Variants in ZBTB20 observed in about 807,000 individuals in gnomAD.
The protein encoded by ZBTB20 is zinc finger and BTB domain containing 20.
Under a neutral mutation model 56.9 loss-of-function variants are expected in ZBTB20, and 9 were observed. The observed-to-expected ratio is 0.16, with a 90% CI of 0.10 to 0.28. ZBTB20 has a LOEUF of 0.28. ZBTB20 is among the 10% of genes least tolerant of loss of function. ZBTB20 has a pLI of 1.00. For synonymous variants in ZBTB20, 417 were observed against 420.7 expected (o/e 0.99, Z 0.11); for missense variants, 655 against 1,003.0 (o/e 0.65, Z 4.69).
intron 4 of ZBTB20, among the ~76,000 whole-genome samples, chr3:114,833,107 C>G (rs191664532): frequency 3.3e-5 from 5 of 152,188 alleles, no homozygotes; most frequent in Admixed American, 3.3e-4. Flanking sequence ...GTTTTTGATT[C>G]ATTTCTTATA....
chr3:114,418,226 C>A (rs987644376), intron 7 of ZBTB20, among the ~76,000 whole-genome samples: 2 of 152,090 alleles, frequency 1.3e-5, no homozygotes, highest in African/African-American at 4.8e-5. Context: ...TGTTACCAAG[C>A]ATTCCTGATG....
At chr3:114,611,476 C>T (rs2057546824) in intron 6 of ZBTB20, among the ~76,000 whole-genome samples, 1 of 152,196 alleles carries the variant, frequency 6.6e-6, no homozygotes, top group South Asian at 2.1e-4. Context: ...AAAGCTCTCA[C>T]AGGTTGGAGG....
chr3:114,704,904 T>C (rs1387972055), intron 5 of ZBTB20, among the ~76,000 whole-genome samples: 1 of 152,148 alleles, frequency 6.6e-6, no homozygotes, highest in Non-Finnish European at 1.5e-5. Context: ...ATTGCCACTC[T>C]TTCCCATTTT....
chr3:114,742,682 AT>A (rs1044018826), intron 5 of ZBTB20, among the ~76,000 whole-genome samples: 3 of 152,206 alleles, frequency 2.0e-5, no homozygotes, highest in African/African-American at 7.2e-5. Context: ...GATCTGTCTG[AT>A]TTCAAAACCC....
intron 2 of ZBTB20, among the ~76,000 whole-genome samples, chr3:114,991,389 A>T (rs559709692): frequency 6.6e-6 from 1 of 151,920 alleles, no homozygotes; most frequent in African/African-American, 2.4e-5. Context: ...GGAGCAGGTT[A>T]TTCAGTTTCC....
chr3:114,503,756 G>A (rs1259637517), intron 6 of ZBTB20, among the ~76,000 whole-genome samples: 1 of 152,100 alleles, frequency 6.6e-6, no homozygotes, highest in Non-Finnish European at 1.5e-5. Flanking sequence ...GAGGGGTGAA[G>A]TTTAATCTTC....
intron 6 of ZBTB20, among the ~76,000 whole-genome samples, chr3:114,584,073 A>C (rs983048004): frequency 6.6e-6 from 1 of 152,202 alleles, no homozygotes; most frequent in Non-Finnish European, 1.5e-5. Context: ...TACGTATCTA[A>C]TGAGATTAAT....
At chr3:114,548,979 A>C (rs1428053640) in intron 6 of ZBTB20, among the ~76,000 whole-genome samples, 1 of 152,222 alleles carries the variant, frequency 6.6e-6, no homozygotes, top group Non-Finnish European at 1.5e-5. Context: ...TAAAGAGAAA[A>C]GGTACTGAAA....
At chr3:114,765,225 C>A (rs1407294559) in intron 5 of ZBTB20, among the ~76,000 whole-genome samples, 1 of 152,042 alleles carries the variant, frequency 6.6e-6, no homozygotes, top group Non-Finnish European at 1.5e-5. Context: ...ATTGTGCCCT[C>A]CCAAAATTCA....
chr3:115,122,964 G>C (rs1264252289), intron 1 of ZBTB20, among the ~76,000 whole-genome samples: 2 of 152,054 alleles, frequency 1.3e-5, no homozygotes, highest in African/African-American at 4.8e-5. Context: ...TCAGAACCCA[G>C]TAAATTACCT....
At chr3:115,027,002 TAA>T (rs1294652609) in intron 2 of ZBTB20, among the ~76,000 whole-genome samples, 1 of 150,774 alleles carries the variant, frequency 6.6e-6, no homozygotes, top group Non-Finnish European at 1.5e-5. Context: ...TTACCTTTTC[TAA>T]AAAAAGTGTT....
intron 4 of ZBTB20, among the ~76,000 whole-genome samples, chr3:114,852,245 CATTTT>C (rs146723029): frequency 0.015 from 2,215 of 151,626 alleles, 38 homozygotes; most frequent in Non-Finnish European, 0.018. Context: ...TTTGAACTTT[CATTTT>C]ATTTTATTTT....
At chr3:114,878,575 TAAA>T (rs10609736) in intron 4 of ZBTB20, among the ~76,000 whole-genome samples, 104,501 of 137,602 alleles carry the variant, frequency 0.76, 43,006 homozygotes, top group Non-Finnish European at 0.91. Context: ...CTTGGAGAAT[TAAA>T]AAAAAAAAAA....
chr3:114,915,116 T>C (rs1015433254), intron 3 of ZBTB20, among the ~76,000 whole-genome samples: 3 of 151,940 alleles, frequency 2.0e-5, no homozygotes, highest in African/African-American at 7.2e-5. Flanking sequence ...TTCCCTCCTC[T>C]TCTATTTTTC....
intron 11 of ZBTB20, among the ~76,000 whole-genome samples, chr3:114,348,090 A>G (rs1387300561): frequency 6.6e-6 from 1 of 152,224 alleles, no homozygotes; most frequent in Non-Finnish European, 1.5e-5. Context: ...ACTTTTTGGT[A>G]GTACATTGAA....
At chr3:114,663,897 G>A (rs923916110) in intron 6 of ZBTB20, among the ~76,000 whole-genome samples, 3 of 151,244 alleles carry the variant, frequency 2.0e-5, no homozygotes, top group African/African-American at 7.3e-5. Flanking sequence ...AGCAAGTCCT[G>A]AGTGACCTAC....
At chr3:115,001,682 C>T (rs960699439) in intron 2 of ZBTB20, among the ~76,000 whole-genome samples, 9 of 151,050 alleles carry the variant, frequency 6.0e-5, no homozygotes, top group Admixed American at 3.3e-4. Context: ...CATATAAAAT[C>T]TAACAAAATA....
intron 7 of ZBTB20, among the ~76,000 whole-genome samples, chr3:114,458,786 A>G (rs1039876894): frequency 6.6e-6 from 1 of 152,146 alleles, no homozygotes; most frequent in African/African-American, 2.4e-5. Flanking sequence ...ATGAAAGAAA[A>G]GGACAACATA....
intron 7 of ZBTB20, among the ~76,000 whole-genome samples, chr3:114,417,507 T>C (rs540912460): frequency 1.3e-5 from 2 of 152,236 alleles, no homozygotes; most frequent in African/African-American, 4.8e-5. Flanking sequence ...GAAAGTGCTT[T>C]ATTTCAAAAA....
Sources: allele counts gnomAD v4.1 joint callset (sites outside exome capture counted in the v4.1 genomes callset), GRCh38; gene constraint gnomAD v4.1.1; transcripts MANE v1.5; gene names NCBI Gene and HGNC (gene_info 2026-07-23, HGNC 2026-07-21).